FAM184B: variants seen among roughly 807,000 people sequenced by gnomAD.
FAM184B encodes the protein protein FAM184B.
FAM184B carries 111 observed loss-of-function variants against 135.9 expected under a neutral mutation model. That is an observed-to-expected ratio of 0.82 (90% CI 0.70 to 0.96). The LOEUF (loss-of-function observed/expected upper bound fraction) is 0.96. Among genes scored for constraint, FAM184B ranks in the 40% least tolerant of loss-of-function variants. The probability of loss-of-function intolerance (pLI) is 0.00; values close to 1 mark genes in which losing one functional copy is unlikely to be tolerated. For synonymous variants in FAM184B, 552 were observed against 524.8 expected (o/e 1.05, Z -0.71); for missense variants, 1,375 against 1,323.9 (o/e 1.04, Z -0.60).
intron 7 of FAM184B, among the ~76,000 whole-genome samples, chr4:17,675,344 G>A (rs1438352444): frequency 1.3e-5 from 2 of 152,064 alleles, no homozygotes; most frequent in East Asian, 1.9e-4. Flanking sequence ...ATTTTAAAAG[G>A]AATCTCTTTT....
intron 7 of FAM184B, among the ~76,000 whole-genome samples, chr4:17,666,123 C>T (rs1420344550): frequency 6.6e-6 from 1 of 152,154 alleles, no homozygotes; most frequent in African/African-American, 2.4e-5. Flanking sequence ...TGGCTTAAAG[C>T]TTAGGCTCTG....
intron 1 of FAM184B, among the ~76,000 whole-genome samples, chr4:17,715,337 T>A (rs190626308): frequency 1.3e-3 from 204 of 152,150 alleles, no homozygotes; most frequent in Middle Eastern, 3.4e-3. Flanking sequence ...TAGCTGTGTG[T>A]GGTGGTGTGC....
chr4:17,632,107 G>C lies in FAM184B; in HGVS notation c.*425C>G. 1 of 112,536 alleles carries C rather than the reference G, an allele frequency of 8.9e-6. No homozygotes were observed. The highest frequency in any genetic ancestry group is 1.8e-5 in the Non-Finnish European group (1 of 55,724). 7.0% of individuals were successfully genotyped at this position (112,536 alleles called of 1,614,324 possible). The stretch of plus-strand genomic sequence containing the variant: ...TTTTTTGGAGACAGGGTCTCCCTCT[G>C]TCACCCAGGCTGGTTGGAATGCAGG... On this transcript the variant is annotated 3_prime_UTR_variant, in exon 18 of 18. Transcript: ENST00000265018.
Position 17,693,363 on chromosome 4 carries a change from A to G in FAM184B, c.1427T>C (p.Ile476Thr). The change falls in exon 6 of 18, where the codon ATA becomes ACA. Residue 476 changes from isoleucine (I) to threonine (T), a missense_variant. Transcript: ENST00000265018. Reference sequence around the variant, plus strand: ...TGCTTTCTCTTCTTCCAGCTGCTTTATCTCCTTTTCTGATTTCTTCCTCAC... The same window carrying G: ...TGCTTTCTCTTCTTCCAGCTGCTTTGTCTCCTTTTCTGATTTCTTCCTCAC... ...EEVRKKSEKE[I>T]KQLEEEKAAL... 1 of 1,551,704 alleles carries G rather than the reference A, an allele frequency of 6.4e-7. No homozygotes were observed. The highest frequency in any genetic ancestry group is 2.0e-5 in the Admixed American group (1 of 51,006).
chr4:17,714,261 G>A (rs1474760572), intron 1 of FAM184B, among the ~76,000 whole-genome samples: 3 of 152,180 alleles, frequency 2.0e-5, no homozygotes, highest in African/African-American at 4.8e-5. Context: ...TTTCATTTAG[G>A]TGAGGTCCTA....
intron 1 of FAM184B, among the ~76,000 whole-genome samples, chr4:17,743,636 A>G (rs1577286108): frequency 6.6e-6 from 1 of 152,272 alleles, no homozygotes; most frequent in African/African-American, 2.4e-5. Flanking sequence ...TTCTTTCATC[A>G]CACTATTCAA....
chr4:17,736,505 C>A (rs1182319108), intron 1 of FAM184B, among the ~76,000 whole-genome samples: 1 of 152,192 alleles, frequency 6.6e-6, no homozygotes, highest in Non-Finnish European at 1.5e-5. Flanking sequence ...CTTGGGACAA[C>A]AGTCTCAAGG....
chr4:17,719,041 T>G (rs1717462597), intron 1 of FAM184B, among the ~76,000 whole-genome samples: 1 of 152,192 alleles, frequency 6.6e-6, no homozygotes, highest in Non-Finnish European at 1.5e-5. Context: ...CTATAGACAC[T>G]ATGTTTTTTC....
intron 1 of FAM184B, among the ~76,000 whole-genome samples, chr4:17,712,496 T>C (rs1222087039): frequency 6.6e-6 from 1 of 152,232 alleles, no homozygotes; most frequent in Non-Finnish European, 1.5e-5. Context: ...CACGGACTTT[T>C]AGCCTTTGTG....
At chr4:17,659,511 G>C (rs147934104) in intron 9 of FAM184B, among the ~76,000 whole-genome samples, 2,544 of 151,914 alleles carry the variant, frequency 0.017, 83 homozygotes, top group African/African-American at 0.058. Flanking sequence ...TTTTGAGACA[G>C]AGTCTTGCTC....
chr4:17,747,920 CAAAAAAAAAAA>C (rs71167333), intron 1 of FAM184B, among the ~76,000 whole-genome samples: 11 of 21,706 alleles, frequency 5.1e-4, no homozygotes, highest in Admixed American at 1.9e-3. Context: ...GACTCTGTCT[CAAAAAAAAAAA>C]AAAAAAAAAA....
chr4:17,671,942 C>CT (rs1349233057), intron 7 of FAM184B, among the ~76,000 whole-genome samples: 2 of 102,134 alleles, frequency 2.0e-5, no homozygotes, highest in East Asian at 1.3e-3. Flanking sequence ...ATAATTCAGT[C>CT]AAAGATGCAA....
chr4:17,751,627 G>A (rs1287709127), intron 1 of FAM184B, among the ~76,000 whole-genome samples: 1 of 152,032 alleles, frequency 6.6e-6, no homozygotes, highest in African/African-American at 2.4e-5. Flanking sequence ...CCCCTAAATA[G>A]TGCCAGGGAG....
chr4:17,697,146 C>T (rs1159716084), intron 5 of FAM184B, among the ~76,000 whole-genome samples: 3 of 152,020 alleles, frequency 2.0e-5, no homozygotes, highest in Non-Finnish European at 4.4e-5. Context: ...CAGCATGGTA[C>T]CACTGAGGAG....
Position 17,732,962 on chromosome 4 carries a change from G to C in FAM184B, c.142-23318C>G, listed in dbSNP as rs558533680. Among the ~76,000 whole-genome samples, 1,179 of 152,304 alleles carry C rather than the reference G, an allele frequency of 7.7e-3. 17 individuals are homozygous for C. Among genetic ancestry groups the C allele is most frequent in the African/African-American group, 0.026 (1,097 of 41,556 alleles). On this transcript the variant is annotated intron_variant, in intron 1 of 17. Transcript: ENST00000265018. ...ATAAAATACTGGCAAACCGAATCCAGCAGCACATCAAAAAGCTTATCCACC... is the reference window on the plus strand; with the variant it reads ...ATAAAATACTGGCAAACCGAATCCACCAGCACATCAAAAAGCTTATCCACC...
chr4:17,760,302 A>G (rs1718516068), intron 1 of FAM184B, among the ~76,000 whole-genome samples: 1 of 152,030 alleles, frequency 6.6e-6, no homozygotes, highest in Non-Finnish European at 1.5e-5. Flanking sequence ...CATCTCTACT[A>G]AAAATACAAA....
At chr4:17,764,894 G>A (rs911496697) in intron 1 of FAM184B, among the ~76,000 whole-genome samples, 1 of 151,988 alleles carries the variant, frequency 6.6e-6, no homozygotes, top group African/African-American at 2.4e-5. Flanking sequence ...GCAAGAGCTT[G>A]TCTCTACAAA....
intron 9 of FAM184B, among the ~76,000 whole-genome samples, chr4:17,659,533 C>T (rs530473261): frequency 1.8e-4 from 28 of 152,196 alleles, no homozygotes; most frequent in Admixed American, 5.9e-4. Context: ...GTCACCCAGG[C>T]TGGAGTGCAG....
intron 5 of FAM184B, among the ~76,000 whole-genome samples, chr4:17,699,852 G>A (rs1716945502): frequency 6.6e-6 from 1 of 151,980 alleles, no homozygotes; most frequent in Admixed American, 6.6e-5. Flanking sequence ...AAATATAAAA[G>A]CAATGTACTG....
Sources: allele counts gnomAD v4.1 joint callset (sites outside exome capture counted in the v4.1 genomes callset), GRCh38; gene constraint gnomAD v4.1.1; transcripts MANE v1.5; gene names NCBI Gene and HGNC (gene_info 2026-07-23, HGNC 2026-07-21).